PLIN4: variants seen among roughly 807,000 people sequenced by gnomAD.
PLIN4 encodes the protein perilipin 4.
PLIN4 carries 57 observed loss-of-function variants against 52.4 expected under a neutral mutation model. The observed-to-expected ratio is 1.09, with a 90% confidence interval of 0.88 to 1.36. PLIN4 has a LOEUF of 1.36. Ranked by LOEUF, PLIN4 falls within the 40% of genes most tolerant of loss-of-function variation. The pLI, the probability that PLIN4 is intolerant of heterozygous loss-of-function variation, is 0.00. For synonymous variants in PLIN4, 826 were observed against 785.4 expected, an observed-to-expected ratio of 1.05 and a Z score of -0.86; for missense variants, 1,757 against 1,770.3, an observed-to-expected ratio of 0.99 and a Z score of 0.13.
intron 6 of PLIN4, among the ~76,000 whole-genome samples, chr19:4,507,551 G>A (rs1486497265): frequency 6.6e-5 from 10 of 152,100 alleles, no homozygotes; most frequent in East Asian, 3.9e-4. Flanking sequence ...TAAGCTGGGC[G>A]TGGTGGTGCA....
In PLIN4 at chr19:4,511,609, C is replaced by A; in HGVS notation, c.2351G>T (p.Gly784Val). The A allele has an allele frequency of 7.9e-7, 1 of 1,272,244 alleles. No homozygotes were observed. Among genetic ancestry groups the A allele is most frequent in the Non-Finnish European group, 1.1e-6 (1 of 917,724 alleles). 78.8% of individuals were successfully genotyped at this position (1,272,244 alleles called of 1,614,324 possible). Residue 784 changes from glycine to valine, a missense_variant, in exon 5 of 8, where the codon GGC becomes GTC. Coordinates refer to ENST00000301286, the MANE Select transcript of PLIN4 (RefSeq NM_001367868.2). ...TAACACAGTCTTGGTGGTGTCCATGCCGGTCTGGACAGTCCCTTTGGCCAA... is the reference window on the plus strand; with the variant it reads ...TAACACAGTCTTGGTGGTGTCCATGACGGTCTGGACAGTCCCTTTGGCCAA... ...VKLAKGTVQT[G>V]MDTTKTVLTG... is the part of the protein sequence containing the mutation.
Position 4,508,916 on chromosome 19 carries a change from G to A in PLIN4, c.3554C>T (p.Ser1185Leu), listed in dbSNP as rs368569854. 99 of 1,612,832 alleles carry A rather than the reference G, an allele frequency of 6.1e-5. 1 individual carries two copies. The highest frequency in any genetic ancestry group is 4.8e-4 in the African/African-American group (36 of 75,030). ...AACGAAGTAGCTCCCCTGTTCCGCC[G>A]ACAGCACCTTTGGCCCAGGCTGGGA... ...AASQPGPKVL[S>L]AEQGSYFVRL... The change falls in exon 6 of 8, where the codon TCG becomes TTG. Residue 1185 changes from serine to leucine, a missense_variant. Transcript: ENST00000301286.
rs1975970881 is a variant in PLIN4, at chr19:4,503,011, TGGGTGTC to T, written c.*1441_*1447del. On this transcript the variant is annotated 3_prime_UTR_variant, in exon 8 of 8. Transcript: ENST00000301286. ...CTGGCATCCTAGCCTCCGATGGCCA[TGGGTGTC>T]GGGCTGAGGAGAAGGCTTGGGAAGG... 6.6e-6 allele frequency: 1 copy of T among 152,372 alleles called. No individual in the cohort carries two copies. The highest frequency in any genetic ancestry group is 1.5e-5 in the Non-Finnish European group (1 of 68,086). 9.4% of individuals were successfully genotyped at this position (152,372 alleles called of 1,614,324 possible).
At chr19:4,515,250 A>G (rs1024178953) in intron 4 of PLIN4, among the ~76,000 whole-genome samples, 2 of 151,918 alleles carry the variant, frequency 1.3e-5, no homozygotes, top group African/African-American at 4.8e-5. Flanking sequence ...TCTCGGGTGT[A>G]CCTGTGAGGT....
At chr19:4,513,778 C>T in intron 4 of PLIN4, 77 bp from the exon 5 acceptor site, 4 of 1,473,460 alleles carry the variant, frequency 2.7e-6, no homozygotes, top group Admixed American at 5.0e-5. Context: ...CAGCCCAGCC[C>T]CCTAGTGTGC....
chr19:4,510,422 C>T lies in PLIN4; in HGVS notation c.3514+24G>A, dbSNP rs747095118. On this transcript the variant is annotated intron_variant, in intron 5 of 7. Coordinates refer to ENST00000301286, the MANE Select transcript of PLIN4 (RefSeq NM_001367868.2). The stretch of plus-strand genomic sequence containing the variant: ...TAGCAGCTGTGCCTGCCTCAGGGAC[C>T]CATGAACCCAGGCGTCCCCTCACCT... 5 of 1,393,164 alleles carry T rather than the reference C, an allele frequency of 3.6e-6. No homozygotes were observed. In the Admixed American group the frequency reaches 1.1e-4, roughly 30 times the overall value. The allele number at this position is 1,393,164 out of a possible 1,614,324, so 86.3% of individuals were successfully genotyped here.
intron 6 of PLIN4, among the ~76,000 whole-genome samples, chr19:4,508,308 G>A (rs1021302979): frequency 2.0e-5 from 3 of 152,138 alleles, no homozygotes; most frequent in Non-Finnish European, 4.4e-5. Flanking sequence ...CCAGGCTGGA[G>A]TGCAGTGGCA....
In PLIN4 at chr19:4,502,199, A is replaced by G. The variant is rs1190888552; in HGVS notation, c.*2260T>C. 3.0e-6 allele frequency: 2 copies of G among 671,528 alleles called. No individual in the cohort carries two copies. Among genetic ancestry groups the G allele is most frequent in the African/African-American group, 1.8e-5 (1 of 54,904 alleles). 41.6% of individuals were successfully genotyped at this position (671,528 alleles called of 1,614,324 possible). A position where few individuals can be genotyped will look rare whatever the true frequency, so the allele number is the denominator to read the frequency against. On this transcript the variant is annotated 3_prime_UTR_variant, in exon 8 of 8. Coordinates refer to ENST00000301286, the MANE Select transcript of PLIN4 (RefSeq NM_001367868.2). ...TGAAATGACTATAAATGGTTTTTTA[A>G]TGAAAAAAGAAATCACTTTTATTGG...
At position 4,508,866 on chromosome 19, in the gene PLIN4, A is replaced by G. The variant is rs762562479; in HGVS notation, c.3604T>C (p.Phe1202Leu). The G allele has an allele frequency of 6.2e-7, 1 of 1,612,918 alleles. No individual in the cohort carries two copies. The highest frequency in any genetic ancestry group is 1.1e-5 in the South Asian group (1 of 90,960). The change falls in exon 6 of 8, where the codon TTC (phenylalanine) becomes CTC (leucine). Residue 1202 changes from phenylalanine to leucine, a missense_variant. Coordinates refer to ENST00000301286, the MANE Select transcript of PLIN4 (RefSeq NM_001367868.2). ...FVRLGDLGPS[F>L]RQRAFEHAVS... The stretch of plus-strand genomic sequence containing the variant: ...GCGTGTTCAAATGCCCGCTGGCGGA[A>G]GCTGGGACCCAGGTCACCTAAACGA...
chr19:4,510,914 GGC>G lies in PLIN4; in HGVS notation c.3044_3045del (p.Gly1015AlafsTer43). 1 of 1,613,492 alleles carries G rather than the reference GGC, an allele frequency of 6.2e-7. No individual in the cohort carries two copies. Among genetic ancestry groups the G allele is most frequent in the South Asian group, 1.1e-5 (1 of 91,086 alleles). On this transcript the variant is annotated frameshift_variant, in exon 5 of 8. Transcript: ENST00000301286. LOFTEE classifies it high-confidence loss of function. Reference sequence around the variant, plus strand: ...GTCAGCACTGTCTTGGTGGTGTCCAGGCCCCCCTGGACGGCCCCTTTGGCCAT... The same window carrying G: ...GTCAGCACTGTCTTGGTGGTGTCCAGCCCCCTGGACGGCCCCTTTGGCCAT... ...MSMAKGAVQG[G>X]LDTTKTVLTG...
chr19:4,515,558 C>T (rs999762473), intron 4 of PLIN4, among the ~76,000 whole-genome samples: 2 of 152,106 alleles, frequency 1.3e-5, no homozygotes, highest in African/African-American at 2.4e-5. Flanking sequence ...TGTGAACCAC[C>T]GTGCCCGGCC....
rs200264250 is a variant in PLIN4 at position 4,513,461 on chromosome 19, C to T, written c.499G>A (p.Gly167Ser). ...CCAGTGGACACCGTGTCCTTGGTGC[C>T]GGTGAGGACAGCCTTCGAGGTGTCC... is the stretch of plus-strand genomic sequence containing the variant. ...GLDTSKAVLT[G>S]TKDTVSTGLT... Residue 167 changes from glycine (G) to serine (S), a missense_variant, in exon 5 of 8, where the codon GGC becomes AGC. Physicochemically the swap from Gly to Ser is moderately conservative, Grantham distance 56 (BLOSUM62 0). This residue lies in a region of PLIN4 where 332 missense variants were observed against 310.8 expected (regional missense o/e 1.07). Coordinates refer to ENST00000301286, the MANE Select transcript of PLIN4 (RefSeq NM_001367868.2). 9.2e-5 allele frequency: 149 copies of T among 1,613,430 alleles called. 1 individual carries two copies. In the East Asian group the frequency reaches 2.5e-3, roughly 27 times the overall value.
chr19:4,517,473 G>A (rs552066478), intron 3 of PLIN4, 81 bp downstream of exon 3: 885 of 1,500,418 alleles, frequency 5.9e-4, no homozygotes, highest in Middle Eastern at 7.4e-4. Context: ...CCAAATGGCT[G>A]GAAGTCCCTG....
At chr19:4,513,814 C>T in intron 4 of PLIN4, 113 bp from the exon 5 acceptor site, 1 of 1,322,860 alleles carries the variant, frequency 7.6e-7, no homozygotes, top group South Asian at 1.6e-5. Context: ...TGCAGGCACC[C>T]AGAGGCCCCA....
intron 4 of PLIN4, among the ~76,000 whole-genome samples, chr19:4,514,051 G>A (rs943469075): frequency 3.3e-5 from 5 of 152,216 alleles, no homozygotes; most frequent in African/African-American, 7.2e-5. Context: ...TGGACTCAAC[G>A]CAGGTCCTAC....
Position 4,517,443 on chromosome 19 carries a change from A to G in PLIN4, c.196+111T>C, listed in dbSNP as rs1476390892. On this transcript the variant is annotated intron_variant, in intron 3 of 7. Transcript: ENST00000301286. ...GTCCTAGTGTCTGATGAGAGCACAC[A>G]GACAAATATGGAGGACTCCCCAAAT... 3.3e-5 allele frequency: 44 copies of G among 1,352,158 alleles called. No homozygotes were observed. The East Asian group carries it at 1.1e-3, about 33-fold the overall frequency. 83.8% of individuals were successfully genotyped at this position (1,352,158 alleles called of 1,614,324 possible).
chr19:4,507,416 T>G (rs1976128069), intron 6 of PLIN4, among the ~76,000 whole-genome samples: 1 of 152,042 alleles, frequency 6.6e-6, no homozygotes, highest in Non-Finnish European at 1.5e-5. Flanking sequence ...TACAAAAAAT[T>G]TAACCAGGTT....
rs576232911 is a variant in PLIN4, at chr19:4,517,614, G to T, written c.136C>A (p.Arg46=). The T allele has an allele frequency of 6.2e-7, 1 of 1,610,388 alleles. No individual in the cohort carries two copies. The highest frequency in any genetic ancestry group is 2.2e-5 in the East Asian group (1 of 44,810). The change falls in exon 3 of 8, where the codon CGG becomes AGG. Residue 46 remains arginine, a synonymous_variant. Transcript: ENST00000301286. The part of the protein sequence containing the change: ...VANAHSSARA[R]PAADPTGAPA... ...GCTCCTGTGGGGTCAGCGGCCGGCC[G>T]GGCTCTCGCCGAGCTATGTGCGTTG...
chr19:4,512,145 G>C lies in PLIN4; in HGVS notation c.1815C>G (p.Leu605=), dbSNP rs747561716. ...CTTTGGCGACATTCACTGCCCCCAC[G>C]AGCCCAGTAGTCACTGTGTCCTTGG... ...TGTKDTVTTG[L]VGAVNVAKGT... Residue 605 remains leucine (L), a synonymous_variant, in exon 5 of 8, where the codon CTC becomes CTG. Coordinates refer to ENST00000301286, the MANE Select transcript of PLIN4 (RefSeq NM_001367868.2). The C allele has an allele frequency of 1.2e-6, 2 of 1,604,356 alleles. No individual in the cohort carries two copies. The highest frequency in any genetic ancestry group is 3.4e-5 in the Admixed American group (2 of 58,862).
Sources: gnomAD v4.1 joint callset for allele counts (sites outside exome capture counted in the v4.1 genomes callset) on GRCh38, gnomAD v4.1.1 for gene constraint, gnomAD v4.1.1 regional missense constraint, MANE v1.5 for transcripts, NCBI Gene and HGNC (gene_info 2026-07-23, HGNC 2026-07-21) for gene names.